The following ASAP2 variants were observed in gnomAD, a reference collection of about 807,000 sequenced individuals.
The protein encoded by ASAP2 is ArfGAP with SH3 domain, ankyrin repeat and PH domain 2, also known as arf-GAP with SH3 domain, ANK repeat and PH domain-containing protein 2.
ASAP2 carries 45 observed loss-of-function variants against 131.4 expected under a neutral mutation model. That is an observed-to-expected ratio of 0.34 (90% CI 0.27 to 0.44). The LOEUF (loss-of-function observed/expected upper bound fraction) is 0.44, where lower values mean the gene tolerates loss of function less well. ASAP2 is among the 20% of genes least tolerant of loss of function. The pLI is 1.00. For missense variants in ASAP2, 1,011 were observed against 1,297.0 expected (o/e 0.78, Z 3.39); for synonymous variants, 510 against 503.0 (o/e 1.01, Z -0.19).
chr2:9,373,256 G>A (rs1572574841), intron 16 of ASAP2, among the ~76,000 whole-genome samples: 1 of 152,234 alleles, frequency 6.6e-6, no homozygotes, highest in Non-Finnish European at 1.5e-5. Context: ...GCCCCTGGAA[G>A]TCCTTCCTGG....
intron 1 of ASAP2, among the ~76,000 whole-genome samples, chr2:9,241,724 A>G (rs1197491304): frequency 6.6e-6 from 1 of 152,226 alleles, no homozygotes; most frequent in Non-Finnish European, 1.5e-5. Context: ...TATTGTGGAT[A>G]TGTATATTTT....
intron 1 of ASAP2, among the ~76,000 whole-genome samples, chr2:9,220,469 A>G (rs1441191184): frequency 1.3e-5 from 2 of 152,156 alleles, no homozygotes; most frequent in Non-Finnish European, 2.9e-5. Context: ...ATGGATGACT[A>G]ATGATTTTGA....
intron 1 of ASAP2, among the ~76,000 whole-genome samples, chr2:9,259,339 C>T (rs991250314): frequency 1.3e-5 from 2 of 152,228 alleles, no homozygotes; most frequent in African/African-American, 4.8e-5. Flanking sequence ...TGTTGCTGCA[C>T]TTCCCCTCCC....
chr2:9,352,212 A>C lies in ASAP2; in HGVS notation c.1111+1317A>C, dbSNP rs13411023. Among the ~76,000 whole-genome samples, 125 of 150,062 alleles carry C rather than the reference A, an allele frequency of 8.3e-4. 1 individual carries two copies. Among genetic ancestry groups the C allele is most frequent in the African/African-American group, 3.0e-3 (122 of 40,566 alleles). On this transcript the variant is annotated intron_variant, in intron 12 of 27. Coordinates refer to ENST00000281419, the MANE Select transcript of ASAP2 (RefSeq NM_003887.3). Reference sequence around the variant, plus strand: ...ACCCTAACTCTTTAAAACACACACAAACACACACACACACACACACACACA... The same window carrying C: ...ACCCTAACTCTTTAAAACACACACACACACACACACACACACACACACACA...
intron 4 of ASAP2, 70 bp downstream of exon 4, chr2:9,318,668 C>T (rs1000533728): frequency 1.5e-5 from 16 of 1,046,044 alleles, no homozygotes; most frequent in Admixed American, 8.9e-5. Flanking sequence ...CTTGGCCTGC[C>T]GGGCAGCAGC....
At chr2:9,290,193 GTTAT>G (rs141692216) in intron 2 of ASAP2, among the ~76,000 whole-genome samples, 1,792 of 152,048 alleles carry the variant, frequency 0.012, 39 homozygotes, top group African/African-American at 0.037. Flanking sequence ...ATATTCTAAT[GTTAT>G]TTATTTATTT....
In ASAP2 at chr2:9,254,254, T is replaced by TATATATATATATATATATACACAC. The variant is rs1553297027; in HGVS notation, c.127-25062_127-25061insTATATATATATATATATACACACA. Among the ~76,000 whole-genome samples the TATATATATATATATATATACACAC allele has an allele frequency of 3.4e-3, 226 of 65,652 alleles. 4 individuals carry two copies. The highest frequency in any genetic ancestry group is 0.016 in the African/African-American group (215 of 13,458). 43.1% of individuals were successfully genotyped at this position (65,652 alleles called of 152,430 possible). A position where few individuals can be genotyped will look rare whatever the true frequency, so the allele number is the denominator to read the frequency against. On this transcript the variant is annotated intron_variant, in intron 1 of 27. Transcript: ENST00000281419. ...AAAAAAAAATATATATATATATATA[T>TATATATATATATATATATACACAC]ACACGTGTGTGTGTATGCATATATA...
intron 1 of ASAP2, among the ~76,000 whole-genome samples, chr2:9,275,226 T>C (rs915421537): frequency 6.6e-6 from 1 of 152,098 alleles, no homozygotes; most frequent in Non-Finnish European, 1.5e-5. Flanking sequence ...CATGTTCCCA[T>C]GCCCGGCTAA....
At chr2:9,321,874 T>C (rs550606880) in intron 5 of ASAP2, among the ~76,000 whole-genome samples, 38 of 152,290 alleles carry the variant, frequency 2.5e-4, no homozygotes, top group South Asian at 6.2e-4. Context: ...GAAGTAATTG[T>C]AGGATAAATA....
At chr2:9,391,606 C>T (rs1490467088) in intron 23 of ASAP2, among the ~76,000 whole-genome samples, 1 of 144,104 alleles carries the variant, frequency 6.9e-6, no homozygotes, top group Non-Finnish European at 1.5e-5. Context: ...GACAGAGTCT[C>T]ACTCCATCGC....
chr2:9,391,581 T>C lies in ASAP2; in HGVS notation c.2518+385T>C, dbSNP rs898201285. On this transcript the variant is annotated intron_variant, in intron 23 of 27. Coordinates refer to ENST00000281419, the MANE Select transcript of ASAP2 (RefSeq NM_003887.3). ...TTTGTTTTTCTTTTCTTTTTCTTTTTTTTTTTTTTTTTGAGACAGAGTCTC... is the reference window on the plus strand; with the variant it reads ...TTTGTTTTTCTTTTCTTTTTCTTTTCTTTTTTTTTTTTGAGACAGAGTCTC... Among the ~76,000 whole-genome samples, 688 of 149,488 alleles carry C rather than the reference T, an allele frequency of 4.6e-3. 8 individuals carry two copies. The highest frequency in any genetic ancestry group is 0.016 in the African/African-American group (661 of 40,844).
intron 11 of ASAP2, among the ~76,000 whole-genome samples, chr2:9,350,176 A>G (rs1572519959): frequency 6.6e-6 from 1 of 152,048 alleles, no homozygotes; most frequent in African/African-American, 2.4e-5. Context: ...TGATGAAAGT[A>G]TGTTGTGATC....
chr2:9,366,959 A>G (rs570670869), intron 15 of ASAP2, among the ~76,000 whole-genome samples: 8 of 151,464 alleles, frequency 5.3e-5, no homozygotes, highest in Non-Finnish European at 1.0e-4. Flanking sequence ...TCCCTACAAG[A>G]GATAGACCCG....
At chr2:9,277,233 GGTGTTTCTGGCACAGCCCT>G (rs1666820179) in intron 1 of ASAP2, among the ~76,000 whole-genome samples, 1 of 152,222 alleles carries the variant, frequency 6.6e-6, no homozygotes, top group African/African-American at 2.4e-5. Flanking sequence ...TTCGCGAACT[GGTGTTTCTGGCACAGCCCT>G]GAGCACAACC....
Position 9,279,523 on chromosome 2 carries a change from G to A in ASAP2, c.199+134G>A, listed in dbSNP as rs897316397. The A allele has an allele frequency of 1.0e-5, 8 of 780,166 alleles. No individual in the cohort carries two copies. The African/African-American group carries it at 1.1e-4, about 10-fold the overall frequency. The allele number at this position is 780,166 out of a possible 1,614,324, so 48.3% of individuals were successfully genotyped here. ...ATCGGGGCATGCAGATCACAGAGGT[G>A]AGCTGGGATGTTTCTTTTTCAGAAG... is the stretch of plus-strand genomic sequence containing the variant. On this transcript the variant is annotated intron_variant, in intron 2 of 27. Transcript: ENST00000281419.
rs777909069 is a variant in ASAP2, at chr2:9,327,780, C to G, written c.601-46C>G. 4 of 1,432,660 alleles carry G rather than the reference C, an allele frequency of 2.8e-6. No homozygotes were observed. In the Admixed American group the frequency reaches 6.3e-5, roughly 23 times the overall value. The allele number at this position is 1,432,660 out of a possible 1,614,324, so 88.7% of individuals were successfully genotyped here. The stretch of plus-strand genomic sequence containing the variant: ...AGTCCTCAGAAGCTCCTTTTAAACT[C>G]GTATTCTGCTTACTTCCATGACATT... On this transcript the variant is annotated intron_variant, in intron 6 of 27. Transcript: ENST00000281419.
rs189241569 is a variant in ASAP2, at chr2:9,271,515, T to G, written c.127-7802T>G. The G allele has an allele frequency of 6.0e-6, 9 of 1,488,254 alleles. No homozygotes were observed. In the Admixed American group the frequency reaches 1.3e-4, roughly 22 times the overall value. The allele number at this position is 1,488,254 out of a possible 1,614,324, so 92.2% of individuals were successfully genotyped here. ...CAGTAGTAAGGGCCTTCCTGCCGTT[T>G]CTCTGTTGAATTCTTATATGGATAT... On this transcript the variant is annotated intron_variant, in intron 1 of 27. Transcript: ENST00000281419.
chr2:9,213,334 G>A (rs541213514), intron 1 of ASAP2, among the ~76,000 whole-genome samples: 5 of 152,136 alleles, frequency 3.3e-5, no homozygotes, highest in South Asian at 4.1e-4. Flanking sequence ...AGGAGTGGGC[G>A]AGGAAGAGAA....
At chr2:9,238,374 A>T (rs1341998610) in intron 1 of ASAP2, among the ~76,000 whole-genome samples, 2 of 152,068 alleles carry the variant, frequency 1.3e-5, no homozygotes, top group African/African-American at 2.4e-5. Flanking sequence ...ATTTGACAAT[A>T]CTCCAGGCTT....
Sources: allele counts gnomAD v4.1 joint callset (sites outside exome capture counted in the v4.1 genomes callset), GRCh38; gene constraint gnomAD v4.1.1; transcripts MANE v1.5; gene names NCBI Gene and HGNC (gene_info 2026-07-23, HGNC 2026-07-21).